Variants in PAN3 observed in about 807,000 individuals in gnomAD.
PAN3 encodes poly(A) specific ribonuclease subunit PAN3.
In PAN3, 19 loss-of-function variants were observed where a neutral mutation model predicts 96.2. The observed-to-expected ratio is 0.20, with a 90% CI of 0.14 to 0.29. The LOEUF (loss-of-function observed/expected upper bound fraction) is 0.29. PAN3 is among the 10% of genes least tolerant of loss of function. PAN3 has a pLI of 1.00. For synonymous variants in PAN3, 433 were observed against 406.6 expected (o/e 1.06, Z -0.78); for missense variants, 882 against 1,108.1 (o/e 0.80, Z 2.90).
At chr13:28,155,450 T>C (rs7333588) in intron 1 of PAN3, among the ~76,000 whole-genome samples, 151,755 of 152,016 alleles carry the variant, frequency 1, 75,747 homozygotes, top group Middle Eastern at 1. Flanking sequence ...TTTAGCCAGG[T>C]GTGGTTGCAT....
intron 4 of PAN3, among the ~76,000 whole-genome samples, chr13:28,183,588 G>A (rs1593426989): frequency 6.6e-6 from 1 of 152,304 alleles, no homozygotes; most frequent in Middle Eastern, 3.4e-3. Flanking sequence ...ACACCCATGT[G>A]TGGTTCCTGT....
At chr13:28,231,612 T>C (rs1882566786) in intron 6 of PAN3, among the ~76,000 whole-genome samples, 2 of 152,300 alleles carry the variant, frequency 1.3e-5, no homozygotes, top group African/African-American at 2.4e-5. Context: ...TCTGTAGTTA[T>C]TAAGGGGAAA....
Position 28,138,942 on chromosome 13 carries a change from G to C in PAN3, c.285G>C (p.Val95=), listed in dbSNP as rs1490626618. ...SVPLALAGAP[V]AGFPPGAVAG... ...CCCTGGCTCTGGCTGGTGCACCCGT[G>C]GCCGGCTTTCCGCCGGGAGCCGTCG... is the stretch of plus-strand genomic sequence containing the variant. The change falls in exon 1 of 19, where the codon GTG becomes GTC. Residue 95 remains valine, a synonymous_variant. Coordinates refer to ENST00000380958, the MANE Select transcript of PAN3 (RefSeq NM_175854.8). The C allele has an allele frequency of 1.2e-5, 16 of 1,331,514 alleles. No individual in the cohort carries two copies. In the East Asian group the frequency reaches 4.8e-4, roughly 40 times the overall value. The allele number at this position is 1,331,514 out of a possible 1,614,324, so 82.5% of individuals were successfully genotyped here. A position where few individuals can be genotyped will look rare whatever the true frequency, so the allele number is the denominator to read the frequency against.
intron 5 of PAN3, among the ~76,000 whole-genome samples, chr13:28,219,168 AT>A (rs1479630509): frequency 6.6e-6 from 1 of 152,078 alleles, no homozygotes. Context: ...ACAAAAGAGG[AT>A]TTTTTTCCCC....
intron 6 of PAN3, among the ~76,000 whole-genome samples, chr13:28,233,662 AT>A (rs1882819641): frequency 1.3e-5 from 2 of 152,162 alleles, no homozygotes; most frequent in African/African-American, 4.8e-5. Context: ...TTGCAAATTA[AT>A]TTTGTGTTTG....
intron 5 of PAN3, among the ~76,000 whole-genome samples, chr13:28,198,396 GA>G (rs1203093320): frequency 6.6e-6 from 1 of 152,066 alleles, no homozygotes; most frequent in African/African-American, 2.4e-5. Flanking sequence ...TTTTTACTAG[GA>G]AACAAAAATT....
chr13:28,273,857 T>C (rs1886840506), intron 14 of PAN3, among the ~76,000 whole-genome samples: 1 of 152,228 alleles, frequency 6.6e-6, no homozygotes, highest in Admixed American at 6.5e-5. Context: ...CAACTTATTT[T>C]GTTTAAAGTT....
Position 28,144,718 on chromosome 13 carries a change from C to CCTTTTTTTTTTTTTTTTTTTTTTTT in PAN3, c.430+5631_430+5632insCTTTTTTTTTTTTTTTTTTTTTTTT, listed in dbSNP as rs1555267661. 4.3e-5 allele frequency among the ~76,000 whole-genome samples: 2 copies of CCTTTTTTTTTTTTTTTTTTTTTTTT among 46,776 alleles called. 1 individual carries two copies. The allele number at this position is 46,776 out of a possible 152,430, so 30.7% of individuals were successfully genotyped here. ...TATCAAAAGCAAACCAAAACATCAT[C>CCTTTTTTTTTTTTTTTTTTTTTTTT]TTTTTTTTTTTTTTTTTTTTTCCTC... On this transcript the variant is annotated intron_variant, in intron 1 of 18. Transcript: ENST00000380958.
intron 6 of PAN3, among the ~76,000 whole-genome samples, chr13:28,238,756 T>A (rs922411738): frequency 6.6e-6 from 1 of 152,246 alleles, no homozygotes; most frequent in East Asian, 1.9e-4. Flanking sequence ...TTCAGTGTTA[T>A]GAAATTAGCT....
chr13:28,143,354 G>A (rs1019179100), intron 1 of PAN3, among the ~76,000 whole-genome samples: 1 of 152,112 alleles, frequency 6.6e-6, no homozygotes, highest in African/African-American at 2.4e-5. Flanking sequence ...ATTTAATGAT[G>A]TAATTCTAAT....
chr13:28,195,531 A>T (rs1566176638), intron 4 of PAN3, among the ~76,000 whole-genome samples: 2 of 151,310 alleles, frequency 1.3e-5, no homozygotes, highest in African/African-American at 4.9e-5. Context: ...GTTGTTTTTT[A>T]TTGTTTGTTT....
In PAN3 at chr13:28,196,034, T is replaced by TTG. The variant is rs554426786; in HGVS notation, c.691-1150_691-1149insGT. Among the ~76,000 whole-genome samples the TTG allele has an allele frequency of 3.4e-3, 523 of 151,726 alleles. 1 individual carries two copies. The highest frequency in any genetic ancestry group is 5.9e-3 in the Non-Finnish European group (399 of 67,898). Reference sequence around the variant, plus strand: ...GCTATAGGTTTTTTTTTGTTTTTTTTTTTTTAATAGAGACAGGGTCTTGCA... The same window carrying TTG: ...GCTATAGGTTTTTTTTTGTTTTTTTTTGTTTTTAATAGAGACAGGGTCTTGCA... On this transcript the variant is annotated intron_variant, in intron 4 of 18. Transcript: ENST00000380958.
At chr13:28,242,786 T>C (rs1451485620) in intron 6 of PAN3, among the ~76,000 whole-genome samples, 2 of 152,244 alleles carry the variant, frequency 1.3e-5, no homozygotes, top group African/African-American at 4.8e-5. Context: ...TTCCAATCTG[T>C]GAACATGGAT....
At chr13:28,223,871 A>ATTTTTTTT (rs560571140) in intron 6 of PAN3, among the ~76,000 whole-genome samples, 1 of 75,048 alleles carries the variant, frequency 1.3e-5, no homozygotes, top group Non-Finnish European at 2.4e-5. Context: ...ATGAAAAGTG[A>ATTTTTTTT]TTTTTTTTTT....
chr13:28,163,353 T>G (rs572533182), intron 1 of PAN3, among the ~76,000 whole-genome samples: 14 of 152,132 alleles, frequency 9.2e-5, no homozygotes, highest in African/African-American at 3.1e-4. Flanking sequence ...AAATAGTATC[T>G]TAAGAGGTAA....
chr13:28,238,346 ACC>A (rs1231782192), intron 6 of PAN3, among the ~76,000 whole-genome samples: 2 of 152,192 alleles, frequency 1.3e-5, no homozygotes, highest in Non-Finnish European at 2.9e-5. Flanking sequence ...TCCCCCTGAA[ACC>A]CCTTTTGAAA....
intron 12 of PAN3, among the ~76,000 whole-genome samples, chr13:28,269,606 A>G (rs532988544): frequency 7.9e-5 from 12 of 151,002 alleles, no homozygotes; most frequent in African/African-American, 2.7e-4. Context: ...AGTAAGCACT[A>G]TATGTTTGCT....
At chr13:28,271,592 T>C (rs1016284486) in intron 13 of PAN3, among the ~76,000 whole-genome samples, 1 of 152,230 alleles carries the variant, frequency 6.6e-6, no homozygotes, top group African/African-American at 2.4e-5. Flanking sequence ...TATTGAGGGA[T>C]TTGAATGAGT....
At chr13:28,285,791 T>G (rs1868902056) in intron 17 of PAN3, among the ~76,000 whole-genome samples, 1 of 152,192 alleles carries the variant, frequency 6.6e-6, no homozygotes, top group African/African-American at 2.4e-5. Context: ...GCTATCATAT[T>G]TTTATTTTCC....
Sources: allele counts gnomAD v4.1 joint callset (sites outside exome capture counted in the v4.1 genomes callset), GRCh38; gene constraint gnomAD v4.1.1; transcripts MANE v1.5; gene names NCBI Gene and HGNC (gene_info 2026-07-23, HGNC 2026-07-21).